Variants in DIXDC1 observed in about 807,000 individuals in gnomAD.
DIXDC1 encodes the protein DIX domain containing 1.
Under a neutral mutation model 103.1 loss-of-function variants are expected in DIXDC1, and 64 were observed. The ratio of observed to expected loss-of-function variants is 0.62; its 90% CI spans 0.51 to 0.76. DIXDC1 has a LOEUF of 0.76. Among genes scored for constraint, DIXDC1 ranks in the 30% least tolerant of loss-of-function variants. DIXDC1 has a pLI of 0.00. For missense variants in DIXDC1, 759 were observed against 834.2 expected, an observed-to-expected ratio of 0.91 and a Z score of 1.11; for synonymous variants, 266 against 298.5, an observed-to-expected ratio of 0.89 and a Z score of 1.12.
At chr11:112,003,297 A>G (rs990528599) in intron 17 of DIXDC1, among the ~76,000 whole-genome samples, 2 of 151,638 alleles carry the variant, frequency 1.3e-5, no homozygotes, top group African/African-American at 2.4e-5. Context: ...TCTCTACTAA[A>G]AATACAAAAA....
At chr11:111,955,204 T>C (rs1285995570) in intron 1 of DIXDC1, among the ~76,000 whole-genome samples, 1 of 151,004 alleles carries the variant, frequency 6.6e-6, no homozygotes, top group Non-Finnish European at 1.5e-5. Flanking sequence ...GGCATGGTGG[T>C]GTGCACCTGT....
upstream of DIXDC1, chr11:111,937,306 G>T (rs1334326898): frequency 3.4e-5 from 45 of 1,335,500 alleles, no homozygotes; most frequent in Non-Finnish European, 4.2e-5. Flanking sequence ...CCCCTCCAGC[G>T]GAGGCCCCCG....
At position 112,017,821 on chromosome 11, in the gene DIXDC1, G is replaced by A. The variant is rs371288924; in HGVS notation, c.1907G>A (p.Arg636Gln). Reference sequence around the variant, plus strand: ...AAGGATTTTAAAGCAGCTATTGATCGGGAAGGAAATCACCGGTATCACTTC... The same window carrying A: ...AAGGATTTTAAAGCAGCTATTGATCAGGAAGGAAATCACCGGTATCACTTC... The part of the protein sequence containing the change: ...TLKDFKAAID[R>Q]EGNHRYHFKA... Residue 636 changes from arginine (R) to glutamine (Q), a missense_variant, in exon 19 of 20, where the codon CGG becomes CAG. By Grantham distance (43) the Arg-to-Gln change is conservative. Around this residue, in one of 3 missense-constraint regions of DIXDC1, gnomAD observed 657 missense variants for 727.5 expected, o/e 0.90. Coordinates refer to ENST00000440460, the MANE Select transcript of DIXDC1 (RefSeq NM_001037954.4). The surrounding 1 kb of genome is among the most constrained non-coding windows in gnomAD (Gnocchi z 4.0). 4.1e-5 allele frequency: 66 copies of A among 1,611,656 alleles called. No homozygotes were observed. Among genetic ancestry groups the A allele is most frequent in the African/African-American group, 3.7e-4 (28 of 74,998 alleles).
chr11:111,930,128 T>G (rs1325762530), intron 2 of DIXDC1, among the ~76,000 whole-genome samples: 1 of 152,130 alleles, frequency 6.6e-6, no homozygotes, highest in Non-Finnish European at 1.5e-5. Flanking sequence ...AAGGCAGAGG[T>G]TGAGAAATTC....
In DIXDC1 at chr11:111,975,965, TA is replaced by T. The variant is rs145854081; in HGVS notation, c.656+986del. Reference sequence around the variant, plus strand: ...TCTTACTTATAAAATTCACATAACATAAAATTAACCATTAAACATTATAAAG... The same window carrying T: ...TCTTACTTATAAAATTCACATAACATAAATTAACCATTAAACATTATAAAG... On this transcript the variant is annotated intron_variant, in intron 5 of 19. Transcript: ENST00000440460. 417 of 894,616 alleles carry T rather than the reference TA, an allele frequency of 4.7e-4. 6 individuals are homozygous for T. The East Asian group carries it at 0.039, about 84-fold the overall frequency. The allele number at this position is 894,616 out of a possible 1,614,324, so 55.4% of individuals were successfully genotyped here.
In DIXDC1 at chr11:112,016,731, C is replaced by T; in HGVS notation, c.1797C>T (p.Thr599=). The change falls in exon 18 of 20, where the codon ACC becomes ACT. Residue 599 remains threonine, a synonymous_variant. Transcript: ENST00000440460. ...HSQSSPTVSS[T]CTKVLYFTDR... is the part of the protein sequence containing the mutation. ...AGAGCTCTCCAACTGTCAGCAGCAC[C>T]TGTACTAAAGTGCTCTATTTCACTG... 2.5e-6 allele frequency: 4 copies of T among 1,608,546 alleles called. No individual in the cohort carries two copies. Among genetic ancestry groups the T allele is most frequent in the Non-Finnish European group, 3.4e-6 (4 of 1,177,180 alleles).
At position 112,012,363 on chromosome 11, in the gene DIXDC1, G is replaced by A. The variant is rs782310238; in HGVS notation, c.1757-4328G>A. On this transcript the variant is annotated intron_variant, in intron 17 of 19. Coordinates refer to ENST00000440460, the MANE Select transcript of DIXDC1 (RefSeq NM_001037954.4). ...CAAGACAGTGTAGTATTGGTGAATT[G>A]GTAGATACATAGATGAGTGGAACAG... 5.9e-4 allele frequency among the ~76,000 whole-genome samples: 90 copies of A among 152,142 alleles called. 2 individuals carry two copies. Among genetic ancestry groups the A allele is most frequent in the Non-Finnish European group, 2.6e-4 (18 of 68,022 alleles).
chr11:111,936,986 C>CGTGTGTGTGT (rs1402965978), upstream of DIXDC1, among the ~76,000 whole-genome samples: 28 of 146,170 alleles, frequency 1.9e-4, no homozygotes, highest in African/African-American at 6.7e-4. Context: ...TGTTTGTCAA[C>CGTGTGTGTGT]GTGTGTGTGT....
rs140355141 is a variant in DIXDC1, at chr11:111,961,468, G to A, written c.61-3081G>A. Among the ~76,000 whole-genome samples the A allele has an allele frequency of 3.1e-3, 467 of 152,292 alleles. 4 individuals are homozygous for A. Among genetic ancestry groups the A allele is most frequent in the African/African-American group, 0.01 (422 of 41,568 alleles). On this transcript the variant is annotated intron_variant, in intron 1 of 19. Transcript: ENST00000440460. ...AAAATAAATACAAAAACATCTCCCT[G>A]CCAGATTAGCATTAGATAAAATGTG...
rs1472591358 is a variant in DIXDC1, at chr11:111,998,338, C to T, written c.1756+2192C>T. Among the ~76,000 whole-genome samples, 1 of 152,116 alleles carries T rather than the reference C, an allele frequency of 6.6e-6. No homozygotes were observed. The highest frequency in any genetic ancestry group is 2.1e-4 in the South Asian group (1 of 4,824). On this transcript the variant is annotated intron_variant, in intron 17 of 19. Transcript: ENST00000440460. The surrounding 1 kb of genome is among the most constrained non-coding windows in gnomAD (Gnocchi z 4.1). ...GTTTTCCTTCTAGTCCCTCTTGAAT[C>T]TCCTTTTATTCTGCTCTAATTCTTG...
intron 2 of DIXDC1, among the ~76,000 whole-genome samples, chr11:111,965,427 A>G (rs1859697039): frequency 1.3e-5 from 2 of 152,204 alleles, no homozygotes; most frequent in Non-Finnish European, 2.9e-5. Flanking sequence ...GTTCTCAAAC[A>G]TTTATTGTTA....
intron 1 of DIXDC1, among the ~76,000 whole-genome samples, chr11:111,943,193 G>C: frequency 6.6e-6 from 1 of 152,194 alleles, no homozygotes. Context: ...CTGGAGTGCA[G>C]TGATGTGATC....
intron 17 of DIXDC1, among the ~76,000 whole-genome samples, chr11:112,013,040 A>T (rs1861471241): frequency 6.6e-6 from 1 of 152,066 alleles, no homozygotes; most frequent in African/African-American, 2.4e-5. Context: ...ACGTAAATTA[A>T]TTTTCTCACA....
intron 1 of DIXDC1, chr11:111,928,586 C>A (rs1489298606): frequency 6.7e-6 from 1 of 149,794 alleles, no homozygotes; most frequent in Non-Finnish European, 1.5e-5. Flanking sequence ...CATGGCGAAA[C>A]CCCGTCTCTA....
At chr11:111,969,654 C>G (rs1859848221) in intron 3 of DIXDC1, among the ~76,000 whole-genome samples, 1 of 152,150 alleles carries the variant, frequency 6.6e-6, no homozygotes. Context: ...GACTATAGAC[C>G]TGGTTTTGTT....
intron 2 of DIXDC1, 29 bp downstream of exon 2, chr11:111,964,707 A>C: frequency 6.4e-7 from 1 of 1,561,978 alleles, no homozygotes; most frequent in Non-Finnish European, 8.6e-7. Context: ...CTGATACTAG[A>C]GTACATAGAT....
At position 111,995,429 on chromosome 11, in the gene DIXDC1, T is replaced by C; in HGVS notation, c.1554T>C (p.Asp518=). 1 of 1,613,284 alleles carries C rather than the reference T, an allele frequency of 6.2e-7. No homozygotes were observed. Among genetic ancestry groups the C allele is most frequent in the Non-Finnish European group, 8.5e-7 (1 of 1,179,898 alleles). The change falls in exon 16 of 20, where the codon GAT becomes GAC. Residue 518 remains aspartate (D), a synonymous_variant. Transcript: ENST00000440460. ...RGTSDLQLVR[D]ALRSLRNSFS... ...CCAGCGACCTGCAGCTTGTTCGAGA[T>C]GCTCTCCGCAGCCTGCGCAACAGCT...
At chr11:111,937,200 C>T (rs1481711945), upstream of DIXDC1, 75 of 1,083,426 alleles carry the variant, frequency 6.9e-5, no homozygotes, top group Non-Finnish European at 8.0e-5. Context: ...GGCCGTGCGG[C>T]TTTCCCGCAG....
intron 17 of DIXDC1, among the ~76,000 whole-genome samples, chr11:112,005,487 G>A (rs1861206270): frequency 1.3e-5 from 2 of 152,162 alleles, no homozygotes; most frequent in African/African-American, 4.8e-5. Context: ...CTTGTGCCCA[G>A]AAGTTTGAGA....
Sources: allele counts gnomAD v4.1 joint callset (sites outside exome capture counted in the v4.1 genomes callset), GRCh38; gene constraint gnomAD v4.1.1; regional missense constraint gnomAD v4.1.1; non-coding constraint Gnocchi (gnomAD v3.1); transcripts MANE v1.5; gene names NCBI Gene and HGNC (gene_info 2026-07-23, HGNC 2026-07-21).